Variants in SEPTIN9 observed in about 807,000 individuals in gnomAD.
SEPTIN9 encodes septin-9.
SEPTIN9 carries 13 observed loss-of-function variants against 56.6 expected under a neutral mutation model. The ratio of observed to expected loss-of-function variants is 0.23; its 90% CI spans 0.15 to 0.37. The LOEUF (loss-of-function observed/expected upper bound fraction) is 0.37. Ranked by LOEUF, SEPTIN9 falls within the 10% of genes least tolerant of loss-of-function variation. The pLI is 1.00. For synonymous variants in SEPTIN9, 332 were observed against 334.1 expected (o/e 0.99, Z 0.07); for missense variants, 650 against 823.1 (o/e 0.79, Z 2.57).
chr17:77,320,957 G>A (rs373468911), intron 2 of SEPTIN9, among the ~76,000 whole-genome samples: 13 of 152,226 alleles, frequency 8.5e-5, no homozygotes, highest in African/African-American at 2.7e-4. Context: ...CCATCAGGGC[G>A]TGAACAGGCA....
chr17:77,431,830 C>CAAA (rs61461406), intron 3 of SEPTIN9, among the ~76,000 whole-genome samples: 24 of 55,246 alleles, frequency 4.3e-4, no homozygotes, highest in African/African-American at 1.3e-3. Context: ...AATGCTGTCT[C>CAAA]AAAAAAAAAA....
intron 3 of SEPTIN9, among the ~76,000 whole-genome samples, chr17:77,404,420 A>G (rs896498591): frequency 6.6e-6 from 1 of 151,834 alleles, no homozygotes; most frequent in African/African-American, 2.4e-5. Context: ...TAATTTTTAA[A>G]TTTTTTTTGT....
At chr17:77,472,433 G>A (rs2039041212) in intron 3 of SEPTIN9, 1 of 152,216 alleles carries the variant, frequency 6.6e-6, no homozygotes, top group African/African-American at 2.4e-5. Flanking sequence ...CTGAATGAAT[G>A]AAAGAGGAGG....
intron 3 of SEPTIN9, among the ~76,000 whole-genome samples, chr17:77,463,192 T>C (rs1005390134): frequency 2.6e-5 from 4 of 152,202 alleles, no homozygotes; most frequent in African/African-American, 7.2e-5. Context: ...GAGTTCTTCT[T>C]GGACCTGCCA....
intron 2 of SEPTIN9, among the ~76,000 whole-genome samples, chr17:77,387,431 C>G (rs900264406): frequency 9.9e-5 from 15 of 152,210 alleles, no homozygotes; most frequent in African/African-American, 3.1e-4. Flanking sequence ...TATTCCAACT[C>G]CTGTCACATT....
intron 3 of SEPTIN9, among the ~76,000 whole-genome samples, chr17:77,458,113 A>G (rs2144472780): frequency 6.6e-6 from 1 of 152,176 alleles, no homozygotes; most frequent in Admixed American, 6.5e-5. Flanking sequence ...TTCCCCTGGT[A>G]TTTTCCTGCT....
chr17:77,415,037 A>G (rs1381036551), intron 3 of SEPTIN9, among the ~76,000 whole-genome samples: 2 of 152,070 alleles, frequency 1.3e-5, no homozygotes, highest in African/African-American at 4.8e-5. Context: ...TTGTGGACAG[A>G]CATGTTGCCT....
chr17:77,470,974 C>T (rs1424413604), intron 3 of SEPTIN9: 1 of 152,280 alleles, frequency 6.6e-6, no homozygotes, highest in Non-Finnish European at 1.5e-5. Flanking sequence ...GGCGATGGCA[C>T]TGTGGGCCCA....
chr17:77,475,441 G>GGGACTCACTCAGCTTTAAGAA lies in SEPTIN9; in HGVS notation c.722-6701_722-6681dup. 6.6e-7 allele frequency: 1 copy of GGGACTCACTCAGCTTTAAGAA among 1,523,412 alleles called. No homozygotes were observed. The highest frequency in any genetic ancestry group is 1.3e-5 in the South Asian group (1 of 75,740). 94.4% of individuals were successfully genotyped at this position (1,523,412 alleles called of 1,614,324 possible). ...TGTCCTCCTAGCATTGCCTGCATCA[G>GGGACTCACTCAGCTTTAAGAA]GGACTCACTCAGCTTTAAGAAGCCC... On this transcript the variant is annotated intron_variant, in intron 3 of 11. Coordinates refer to ENST00000427177, the MANE Select transcript of SEPTIN9 (RefSeq NM_001113491.2). This position sits in a 1 kb window ranked among gnomAD's most constrained non-coding sequence, Gnocchi z 4.6.
At chr17:77,490,688 C>A in intron 7 of SEPTIN9, 54 bp from the exon 8 acceptor site, 2 of 1,353,062 alleles carry the variant, frequency 1.5e-6, no homozygotes, top group Non-Finnish European at 2.1e-6. Context: ...GGGTGGGTGC[C>A]CCCCCACTGC....
At chr17:77,404,627 G>T (rs549806040) in intron 3 of SEPTIN9, among the ~76,000 whole-genome samples, 2 of 152,270 alleles carry the variant, frequency 1.3e-5, no homozygotes, top group Middle Eastern at 3.4e-3. Flanking sequence ...TGGAGAGGGT[G>T]TGGGTTTGGG....
chr17:77,292,956 T>C (rs1033809444), intron 1 of SEPTIN9, among the ~76,000 whole-genome samples: 2 of 152,154 alleles, frequency 1.3e-5, no homozygotes, highest in African/African-American at 2.4e-5. Flanking sequence ...GGGTATGTAA[T>C]GGGGTCTAAC....
rs973920918 is a variant in SEPTIN9 at position 77,369,153 on chromosome 17, G to T, written c.77-32906G>T. Among the ~76,000 whole-genome samples the T allele has an allele frequency of 1.3e-5, 2 of 152,154 alleles. No individual in the cohort carries two copies. Among genetic ancestry groups the T allele is most frequent in the Non-Finnish European group, 2.9e-5 (2 of 68,014 alleles). Reference sequence around the variant, plus strand: ...GGAGGCTGAGGCAGGAGAATCACTTGAACCTGGGAGGTGGAGTTTGCAGTG... The same window carrying T: ...GGAGGCTGAGGCAGGAGAATCACTTTAACCTGGGAGGTGGAGTTTGCAGTG... On this transcript the variant is annotated intron_variant, in intron 2 of 11. Transcript: ENST00000427177. The surrounding 1 kb of genome is among the most constrained non-coding windows in gnomAD (Gnocchi z 4.9).
intron 3 of SEPTIN9, among the ~76,000 whole-genome samples, chr17:77,410,654 G>A (rs575038623): frequency 6.6e-6 from 1 of 152,342 alleles, no homozygotes; most frequent in East Asian, 1.9e-4. Flanking sequence ...CCTGTGCAGC[G>A]TGGTTAGAGT....
intron 3 of SEPTIN9, among the ~76,000 whole-genome samples, chr17:77,477,430 G>C (rs972393958): frequency 3.9e-5 from 6 of 152,168 alleles, no homozygotes; most frequent in Non-Finnish European, 8.8e-5. Context: ...TCTTGCAGTT[G>C]GAATGTTTTC....
intron 2 of SEPTIN9, among the ~76,000 whole-genome samples, chr17:77,386,846 C>T (rs2035353859): frequency 6.6e-6 from 1 of 152,204 alleles, no homozygotes; most frequent in South Asian, 2.1e-4. Flanking sequence ...CAGTGCCTGC[C>T]CTGCCCACAA....
chr17:77,304,257 C>T (rs1032405215), intron 1 of SEPTIN9, among the ~76,000 whole-genome samples: 3 of 152,228 alleles, frequency 2.0e-5, no homozygotes, highest in Non-Finnish European at 2.9e-5. Flanking sequence ...AGGCTGCGCT[C>T]GCCCCCTTCT....
intron 11 of SEPTIN9, 130 bp from the exon 12 acceptor site, chr17:77,498,393 C>T: frequency 1.5e-6 from 1 of 656,704 alleles, no homozygotes; most frequent in Non-Finnish European, 2.7e-6. Flanking sequence ...GGGAGCCAAG[C>T]AGTCGGGATG....
At chr17:77,328,086 ATCCCCATGCCCAGGGTG>A in intron 2 of SEPTIN9, among the ~76,000 whole-genome samples, 1 of 142,028 alleles carries the variant, frequency 7.0e-6, no homozygotes, top group South Asian at 2.3e-4. Flanking sequence ...TATCCAGAGC[ATCCCCATGCCCAGGGTG>A]TCCCCGTACC....
Sources: gnomAD v4.1 joint callset for allele counts (sites outside exome capture counted in the v4.1 genomes callset) on GRCh38, gnomAD v4.1.1 for gene constraint, Gnocchi (gnomAD v3.1) non-coding constraint, MANE v1.5 for transcripts, NCBI Gene and HGNC (gene_info 2026-07-23, HGNC 2026-07-21) for gene names.